STIM2: variants seen among roughly 807,000 people sequenced by gnomAD.
The protein encoded by STIM2 is stromal interaction molecule 2.
A neutral mutation model predicts 85.8 loss-of-function variants in STIM2; 31 were observed. That is an observed-to-expected ratio of 0.36 (90% CI 0.27 to 0.49). The LOEUF (loss-of-function observed/expected upper bound fraction) is 0.49, where lower values mean the gene tolerates loss of function less well. Among genes scored for constraint, STIM2 ranks in the 20% least tolerant of loss-of-function variants. STIM2 has a pLI of 0.98. For synonymous variants in STIM2, 356 were observed against 331.1 expected (o/e 1.08, Z -0.82); for missense variants, 841 against 927.6 (o/e 0.91, Z 1.21).
chr4:26,958,682 CT>C (rs71855780), intron 3 of STIM2, among the ~76,000 whole-genome samples: 7,597 of 152,176 alleles, frequency 0.05, 450 homozygotes, highest in African/African-American at 0.14. Context: ...AATATATAGA[CT>C]TTTAAAAAAA....
At chr4:26,929,226 CA>C (rs1021249048) in intron 2 of STIM2, among the ~76,000 whole-genome samples, 1 of 152,042 alleles carries the variant, frequency 6.6e-6, no homozygotes, top group African/African-American at 2.4e-5. Context: ...TTCTAGAAAA[CA>C]AAATTATGTA....
intron 2 of STIM2, among the ~76,000 whole-genome samples, chr4:26,937,319 G>A (rs1205292298): frequency 6.6e-6 from 1 of 152,180 alleles, no homozygotes; most frequent in Non-Finnish European, 1.5e-5. Context: ...GAGTAGGGTT[G>A]TGAATTAGGA....
intron 2 of STIM2, among the ~76,000 whole-genome samples, chr4:26,937,377 A>T (rs1410668635): frequency 1.3e-5 from 2 of 152,098 alleles, no homozygotes; most frequent in Non-Finnish European, 2.9e-5. Context: ...GCCTGATGGT[A>T]CTGCCAGTGC....
chr4:26,905,474 A>G (rs550805830), intron 1 of STIM2, among the ~76,000 whole-genome samples: 1 of 152,268 alleles, frequency 6.6e-6, no homozygotes, highest in East Asian at 1.9e-4. Context: ...AGTCTGGTTA[A>G]TATTTTGAAG....
chr4:26,919,720 A>T, intron 2 of STIM2, 86 bp downstream of exon 2: 1 of 1,494,540 alleles, frequency 6.7e-7, no homozygotes, highest in African/African-American at 1.4e-5. Flanking sequence ...CTCTTTCCTC[A>T]TGTGGCTCAT....
At chr4:26,862,557 TAG>T (rs58581164) in intron 1 of STIM2, among the ~76,000 whole-genome samples, 5,569 of 152,244 alleles carry the variant, frequency 0.037, 242 homozygotes, top group African/African-American at 0.11. Flanking sequence ...TTTACTATTC[TAG>T]AGAGAAGAAG....
intron 3 of STIM2, among the ~76,000 whole-genome samples, chr4:26,958,740 G>A (rs568339894): frequency 4.6e-5 from 7 of 151,992 alleles, no homozygotes; most frequent in South Asian, 2.1e-4. Context: ...ACATGAGCTC[G>A]GATAGGAATA....
rs748783981 is a variant in STIM2 at position 27,002,263 on chromosome 4, A to G, written c.672A>G (p.Ile224Met). Reference sequence around the variant, plus strand: ...AAGATTTTATCCTCACAGTTTCTATAGTAATTGGTGTTGGAGGCTGCTGGT... The same window carrying G: ...AAGATTTTATCCTCACAGTTTCTATGGTAATTGGTGTTGGAGGCTGCTGGT... Residue 224 changes from isoleucine (I) to methionine (M), a missense_variant, in exon 6 of 12, where the codon ATA becomes ATG. By Grantham distance (10) the Ile-to-Met change is conservative (BLOSUM62 1). Transcript: ENST00000467087. 1.5e-5 allele frequency: 25 copies of G among 1,612,962 alleles called. No individual in the cohort carries two copies. Among genetic ancestry groups the G allele is most frequent in the Admixed American group, 5.0e-5 (3 of 59,872 alleles).
intron 3 of STIM2, among the ~76,000 whole-genome samples, chr4:26,965,898 C>T (rs1283122960): frequency 6.6e-6 from 1 of 152,146 alleles, no homozygotes; most frequent in East Asian, 1.9e-4. Flanking sequence ...CTTGACAATT[C>T]TATTCTGTAG....
chr4:27,021,228 T>G, intron 11 of STIM2: 1 of 594,096 alleles, frequency 1.7e-6, no homozygotes, highest in Non-Finnish European at 2.9e-6. Context: ...AGGCTCCTTG[T>G]CCTTATTTAT....
intron 2 of STIM2, among the ~76,000 whole-genome samples, chr4:26,935,688 C>G (rs1385311972): frequency 6.6e-6 from 1 of 152,148 alleles, no homozygotes; most frequent in Non-Finnish European, 1.5e-5. Flanking sequence ...GTTTGAGAAC[C>G]ACTAGACTTT....
intron 1 of STIM2, among the ~76,000 whole-genome samples, chr4:26,878,660 A>C (rs1722896409): frequency 6.6e-6 from 1 of 152,036 alleles, no homozygotes; most frequent in Non-Finnish European, 1.5e-5. Flanking sequence ...CATCTGTATT[A>C]GTTCATTTTC....
intron 3 of STIM2, among the ~76,000 whole-genome samples, chr4:26,993,757 G>A (rs749677827): frequency 1.3e-5 from 2 of 152,042 alleles, no homozygotes; most frequent in Admixed American, 6.6e-5. Context: ...TCTGAACTGC[G>A]TCCAGCGCTT....
rs1722182044 is a variant in STIM2 at position 26,861,389 on chromosome 4, CG to C, written c.151+23del. 6.2e-6 allele frequency: 8 copies of C among 1,283,452 alleles called. No homozygotes were observed. The South Asian group carries it at 1.7e-4, about 28-fold the overall frequency. 79.5% of individuals were successfully genotyped at this position (1,283,452 alleles called of 1,614,324 possible). ...TGACAGGTGAGGGGCCGGGGGGCGG[CG>C]GGCGGGGCTCGGCCGGCAGCGATGG... On this transcript the variant is annotated intron_variant, in intron 1 of 11. Coordinates refer to ENST00000467087, the MANE Select transcript of STIM2 (RefSeq NM_020860.4).
intron 2 of STIM2, among the ~76,000 whole-genome samples, chr4:26,922,006 A>G (rs1198293608): frequency 3.9e-5 from 6 of 152,208 alleles, no homozygotes; most frequent in Non-Finnish European, 7.3e-5. Flanking sequence ...TGATAATTCT[A>G]TCTTACATAG....
intron 3 of STIM2, among the ~76,000 whole-genome samples, chr4:26,965,087 T>C (rs142181141): frequency 6.6e-6 from 1 of 152,302 alleles, no homozygotes; most frequent in African/African-American, 2.4e-5. Flanking sequence ...TTTCCTACAG[T>C]GCTTTTAGCT....
intron 1 of STIM2, among the ~76,000 whole-genome samples, chr4:26,909,486 CT>C (rs1168499563): frequency 6.6e-6 from 1 of 152,074 alleles, no homozygotes; most frequent in Non-Finnish European, 1.5e-5. Context: ...GTGAAACTTA[CT>C]TTATTTTGCA....
At position 27,003,119 on chromosome 4, in the gene STIM2, A is replaced by G. The variant is rs749852295; in HGVS notation, c.981+15A>G. ...AATTGGAACAGGTATTTACATTAAAAAAAAAATCACTTGTAAAGATGTTAA... is the reference window on the plus strand; with the variant it reads ...AATTGGAACAGGTATTTACATTAAAGAAAAAATCACTTGTAAAGATGTTAA... On this transcript the variant is annotated intron_variant, in intron 7 of 11. Coordinates refer to ENST00000467087, the MANE Select transcript of STIM2 (RefSeq NM_020860.4). 6.4e-7 allele frequency: 1 copy of G among 1,551,900 alleles called. No individual in the cohort carries two copies. Among genetic ancestry groups the G allele is most frequent in the South Asian group, 1.3e-5 (1 of 78,312 alleles).
intron 10 of STIM2, among the ~76,000 whole-genome samples, chr4:27,012,231 T>C (rs929959578): frequency 6.6e-6 from 1 of 152,136 alleles, no homozygotes; most frequent in Non-Finnish European, 1.5e-5. Context: ...TCTTCCTTTA[T>C]TGTTCAAATT....
Sources: gnomAD v4.1 joint callset for allele counts (sites outside exome capture counted in the v4.1 genomes callset) on GRCh38, gnomAD v4.1.1 for gene constraint, MANE v1.5 for transcripts, NCBI Gene and HGNC (gene_info 2026-07-23, HGNC 2026-07-21) for gene names.